The following POLR1C variants were observed in gnomAD, a reference collection of about 807,000 sequenced individuals.
The protein encoded by POLR1C is DNA-directed RNA polymerases I and III subunit RPAC1.
A neutral mutation model predicts 38.3 loss-of-function variants in POLR1C; 42 were observed. The ratio of observed to expected loss-of-function variants is 1.10; its 90% CI spans 0.86 to 1.42. The LOEUF is 1.42. Among genes scored for constraint, POLR1C ranks in the 40% most tolerant of loss-of-function variants. The pLI, the probability that POLR1C is intolerant of heterozygous loss-of-function variation, is 0.00. For missense variants in POLR1C, 507 were observed against 450.5 expected (o/e 1.13, Z -1.14); for synonymous variants, 163 against 163.9 (o/e 0.99, Z 0.04).
chr6:43,549,821 A>G, intron 9 of POLR1C: 1 of 1,467,746 alleles, frequency 6.8e-7, no homozygotes, highest in Non-Finnish European at 9.3e-7. Flanking sequence ...ATAAAAATAT[A>G]AACTGAGTAT....
chr6:43,560,200 G>A (rs749442427), intron 10 of POLR1C: 2 of 1,612,424 alleles, frequency 1.2e-6, no homozygotes, highest in East Asian at 2.2e-5. Flanking sequence ...AGTCATGGAA[G>A]CACGAAGATA....
At chr6:43,519,495 C>T in intron 3 of POLR1C, 55 bp downstream of exon 3, 1 of 1,389,736 alleles carries the variant, frequency 7.2e-7, no homozygotes, top group Non-Finnish European at 1.0e-6. Flanking sequence ...GCACTGACAC[C>T]TCACTTGGAG....
At chr6:43,556,523 C>CA (rs539768315) in intron 10 of POLR1C, among the ~76,000 whole-genome samples, 3,529 of 71,678 alleles carry the variant, frequency 0.049, 49 homozygotes, top group Middle Eastern at 0.069. Context: ...GACCATGTCT[C>CA]AAAAAAAAAA....
chr6:43,536,376 C>T (rs1794322723), intron 9 of POLR1C, among the ~76,000 whole-genome samples: 1 of 151,762 alleles, frequency 6.6e-6, no homozygotes, highest in South Asian at 2.1e-4. Context: ...GATTGTGCCA[C>T]TGCACTCCAG....
At position 43,541,913 on chromosome 6, in the gene POLR1C, G is replaced by C. The variant is rs556819624; in HGVS notation, c.*5-9055G>C. Among the ~76,000 whole-genome samples, 11 of 152,180 alleles carry C rather than the reference G, an allele frequency of 7.2e-5. No homozygotes were observed. The South Asian group carries it at 2.3e-3, about 32-fold the overall frequency. ...TTGCATCAACCTTTTGAGTAGCTGG[G>C]GTTACAAGCATGCACACCACCACGC... On this transcript the variant is annotated intron_variant, in intron 9 of 10. Transcript: ENST00000607635.
At chr6:43,521,901 G>T (rs1327639500), downstream of POLR1C, among the ~76,000 whole-genome samples, 1 of 152,166 alleles carries the variant, frequency 6.6e-6, no homozygotes, top group Non-Finnish European at 1.5e-5. Context: ...TCCAGCCCGG[G>T]TAACAGTGAG....
At chr6:43,537,164 A>G (rs1794390779) in intron 9 of POLR1C, among the ~76,000 whole-genome samples, 1 of 149,680 alleles carries the variant, frequency 6.7e-6, no homozygotes, top group African/African-American at 2.5e-5. Flanking sequence ...TTTGTAGAGA[A>G]AGTGTCTGTG....
intron 9 of POLR1C, chr6:43,539,632 G>A (rs1025779677): frequency 2.2e-6 from 3 of 1,339,096 alleles, no homozygotes; most frequent in Non-Finnish European, 3.1e-6. Flanking sequence ...CTCTGCGGAA[G>A]CCACCGCGGT....
At chr6:43,555,980 G>A (rs1762058737) in intron 10 of POLR1C, 1 of 1,613,160 alleles carries the variant, frequency 6.2e-7, no homozygotes, top group Non-Finnish European at 8.5e-7. Context: ...AAGAGAAAAT[G>A]CCAAGGGAAG....
downstream of POLR1C, among the ~76,000 whole-genome samples, chr6:43,522,147 T>TA (rs1793227738): frequency 6.6e-6 from 1 of 152,206 alleles, no homozygotes; most frequent in African/African-American, 2.4e-5. Context: ...GTGAGAATGG[T>TA]ATGGGCTGCC....
At chr6:43,523,250 C>A (rs1793309022), downstream of POLR1C, 1 of 191,216 alleles carries the variant, frequency 5.2e-6, no homozygotes, top group Non-Finnish European at 1.1e-5. Context: ...TGATACTGTG[C>A]CAAGTTTAGC....
At chr6:43,539,196 A>T (rs1330348574) in intron 9 of POLR1C, 4 of 1,136,318 alleles carry the variant, frequency 3.5e-6, no homozygotes, top group Non-Finnish European at 5.2e-6. Flanking sequence ...TTGTTCCCCT[A>T]GTAGCCTCTG....
At chr6:43,520,498 T>C in intron 6 of POLR1C, 71 bp downstream of exon 6, 2 of 1,605,324 alleles carry the variant, frequency 1.2e-6, no homozygotes, top group Non-Finnish European at 1.7e-6. Context: ...ACTAGGGAAC[T>C]CAGCTGAGAC....
At chr6:43,557,132 A>G (rs1290328261) in intron 10 of POLR1C, among the ~76,000 whole-genome samples, 1 of 149,716 alleles carries the variant, frequency 6.7e-6, no homozygotes, top group African/African-American at 2.5e-5. Context: ...CATCTCAAAA[A>G]AAAAAAAAAA....
chr6:43,551,481 C>T (rs746570607), intron 10 of POLR1C: 6 of 1,604,256 alleles, frequency 3.7e-6, no homozygotes, highest in Non-Finnish European at 3.4e-6. Context: ...AACAGGTTGA[C>T]AATGGCTGCC....
intron 10 of POLR1C, chr6:43,556,054 A>G: frequency 6.6e-7 from 1 of 1,508,054 alleles, no homozygotes. Context: ...ACCCTAGGGG[A>G]AAAGCATTCA....
At chr6:43,539,750 T>C in intron 9 of POLR1C, 8 of 603,334 alleles carry the variant, frequency 1.3e-5, no homozygotes, top group South Asian at 1.0e-4. Flanking sequence ...TTCTTGGGAA[T>C]AGTTTGTCTA....
intron 9 of POLR1C, chr6:43,539,731 A>AT: frequency 1.6e-6 from 1 of 618,020 alleles, no homozygotes; most frequent in South Asian, 2.0e-5. Flanking sequence ...AAGAAGCTAC[A>AT]TTTTTCTATT....
chr6:43,523,732 G>A (rs979413046), downstream of POLR1C: 1 of 1,423,744 alleles, frequency 7.0e-7, no homozygotes, highest in Admixed American at 1.7e-5. Context: ...GTTCTCTCCA[G>A]CTCCAGACCT....
Sources: allele counts gnomAD v4.1 joint callset (sites outside exome capture counted in the v4.1 genomes callset), GRCh38; gene constraint gnomAD v4.1.1; transcripts MANE v1.5; gene names NCBI Gene and HGNC (gene_info 2026-07-23, HGNC 2026-07-21).